Variants in FARP1 observed in about 807,000 individuals in gnomAD.
The protein encoded by FARP1 is FERM, ARHGEF and pleckstrin domain-containing protein 1.
Under a neutral mutation model 128.8 loss-of-function variants are expected in FARP1, and 52 were observed. That is an observed-to-expected ratio of 0.40 (90% CI 0.32 to 0.51). The LOEUF (loss-of-function observed/expected upper bound fraction) is 0.51, where lower values mean the gene tolerates loss of function less well. FARP1 is among the 20% of genes least tolerant of loss of function. The pLI, the probability that FARP1 is intolerant of heterozygous loss-of-function variation, is 0.45. For synonymous variants in FARP1, 580 were observed against 551.8 expected (o/e 1.05, Z -0.72); for missense variants, 1,333 against 1,367.9 (o/e 0.97, Z 0.40).
At chr13:98,160,160 A>C (rs1876776120) in intron 1 of FARP1, among the ~76,000 whole-genome samples, 1 of 152,222 alleles carries the variant, frequency 6.6e-6, no homozygotes, top group Admixed American at 6.5e-5. Context: ...GTGGCCAGGA[A>C]ACCATGTCTT....
chr13:98,301,407 G>A (rs901705343), intron 2 of FARP1, among the ~76,000 whole-genome samples: 7 of 152,210 alleles, frequency 4.6e-5, no homozygotes, highest in Non-Finnish European at 8.8e-5. Context: ...GAGGTTGCTG[G>A]CAAGTGAGAG....
intron 4 of FARP1, among the ~76,000 whole-genome samples, chr13:98,367,487 T>C (rs1471036351): frequency 6.7e-6 from 1 of 149,356 alleles, no homozygotes; most frequent in Admixed American, 6.6e-5. Context: ...CCTGTTTTCT[T>C]TCTTTTTTTT....
At chr13:98,298,246 C>T (rs1885782852) in intron 2 of FARP1, among the ~76,000 whole-genome samples, 1 of 152,160 alleles carries the variant, frequency 6.6e-6, no homozygotes, top group Non-Finnish European at 1.5e-5. Context: ...TCCCATTTTG[C>T]CAAGGAAAAG....
chr13:98,256,466 A>G (rs1566800336), intron 2 of FARP1, among the ~76,000 whole-genome samples: 1 of 151,966 alleles, frequency 6.6e-6, no homozygotes, highest in Non-Finnish European at 1.5e-5. Flanking sequence ...GATGGTGGTG[A>G]TGGCTGCACC....
At chr13:98,338,537 C>G (rs2139855958) in intron 2 of FARP1, 1 of 152,298 alleles carries the variant, frequency 6.6e-6, no homozygotes. Flanking sequence ...TGGAATCGTC[C>G]TCCTCATACT....
intron 3 of FARP1, among the ~76,000 whole-genome samples, chr13:98,362,052 C>T (rs1190885219): frequency 6.6e-6 from 1 of 152,122 alleles, no homozygotes; most frequent in East Asian, 1.9e-4. Flanking sequence ...TTGCTTGAGC[C>T]CAGGATTTCG....
chr13:98,206,272 G>A (rs1370983585), intron 1 of FARP1, among the ~76,000 whole-genome samples: 9 of 151,786 alleles, frequency 5.9e-5, no homozygotes, highest in Admixed American at 4.6e-4. Flanking sequence ...AGTCAACCTT[G>A]GTGGTATGTC....
intron 2 of FARP1, among the ~76,000 whole-genome samples, chr13:98,309,405 G>A (rs1380578447): frequency 6.6e-6 from 1 of 150,502 alleles, no homozygotes; most frequent in Non-Finnish European, 1.5e-5. Context: ...TCCTGACCTC[G>A]TGATCCGCCC....
chr13:98,303,560 G>T (rs9513396), intron 2 of FARP1, among the ~76,000 whole-genome samples: 30,491 of 152,162 alleles, frequency 0.2, 3,472 homozygotes, highest in East Asian at 0.28. Flanking sequence ...GTTGGAACTT[G>T]TAAATTAAGT....
intron 1 of FARP1, among the ~76,000 whole-genome samples, chr13:98,210,200 A>G (rs1461740309): frequency 6.6e-6 from 1 of 152,036 alleles, no homozygotes. Flanking sequence ...TGCACCCCAG[A>G]TAGCTCTGTG....
At chr13:98,355,208 G>A (rs1283273943) in intron 3 of FARP1, among the ~76,000 whole-genome samples, 1 of 151,988 alleles carries the variant, frequency 6.6e-6, no homozygotes. Flanking sequence ...AGCCAGGCAT[G>A]GTGGCTCACA....
intron 24 of FARP1, among the ~76,000 whole-genome samples, chr13:98,441,419 G>A (rs1266294917): frequency 2.0e-5 from 3 of 152,236 alleles, no homozygotes; most frequent in Admixed American, 6.5e-5. Context: ...GGCGAAAACC[G>A]TCTGTTTTTA....
chr13:98,308,015 C>T (rs1357036280), intron 2 of FARP1, among the ~76,000 whole-genome samples: 1 of 142,982 alleles, frequency 7.0e-6, no homozygotes, highest in Admixed American at 7.1e-5. Context: ...CCCCCCTCCG[C>T]CCGCCCCCAC....
intron 6 of FARP1, chr13:98,384,054 T>G (rs750654931): frequency 1.3e-5 from 2 of 152,166 alleles, no homozygotes; most frequent in African/African-American, 4.8e-5. Flanking sequence ...CCTGAAGTTT[T>G]AGGGCTTTTT....
intron 3 of FARP1, among the ~76,000 whole-genome samples, 167 bp downstream of exon 3, chr13:98,344,033 TTAGAC>T (rs1435277564): frequency 6.6e-6 from 1 of 152,196 alleles, no homozygotes; most frequent in Non-Finnish European, 1.5e-5. Context: ...ACCTCTTGGT[TTAGAC>T]TAGCCATGTT....
chr13:98,146,508 G>A (rs147508921), intron 1 of FARP1, among the ~76,000 whole-genome samples: 2 of 152,312 alleles, frequency 1.3e-5, no homozygotes, highest in East Asian at 1.9e-4. Flanking sequence ...GATTACAGGC[G>A]TGAGTCACAG....
intron 1 of FARP1, among the ~76,000 whole-genome samples, chr13:98,212,301 C>A (rs548366103): frequency 4.6e-5 from 7 of 152,270 alleles, no homozygotes; most frequent in African/African-American, 1.7e-4. Flanking sequence ...GGTGATTCAC[C>A]CACCTTGGCC....
chr13:98,389,954 T>C lies in FARP1; in HGVS notation c.856-3T>C, dbSNP rs1362686547. 2 of 1,613,808 alleles carry C rather than the reference T, an allele frequency of 1.2e-6. No individual in the cohort carries two copies. The highest frequency in any genetic ancestry group is 2.7e-5 in the African/African-American group (2 of 74,922). On this transcript the variant is annotated splice_polypyrimidine_tract_variant and splice_region_variant and intron_variant, in intron 9 of 26. Transcript: ENST00000319562. ...AAACCACCGTTGTATTTTCCCTTTTTAGAGTGCGTACCAGGATACCTTGGA... is the reference window on the plus strand; with the variant it reads ...AAACCACCGTTGTATTTTCCCTTTTCAGAGTGCGTACCAGGATACCTTGGA...
chr13:98,371,691 G>A (rs893345717), intron 5 of FARP1, among the ~76,000 whole-genome samples: 1 of 152,110 alleles, frequency 6.6e-6, no homozygotes, highest in African/African-American at 2.4e-5. Context: ...TGAGATTTCA[G>A]GTGCTGTTCT....
Sources: gnomAD v4.1 joint callset for allele counts (sites outside exome capture counted in the v4.1 genomes callset) on GRCh38, gnomAD v4.1.1 for gene constraint, MANE v1.5 for transcripts, NCBI Gene and HGNC (gene_info 2026-07-23, HGNC 2026-07-21) for gene names.